The following PCDHGA8 variants were observed in gnomAD, a reference collection of about 807,000 sequenced individuals.
PCDHGA8 encodes protocadherin gamma subfamily A, 8.
Under a neutral mutation model 59.2 loss-of-function variants are expected in PCDHGA8, and 45 were observed. That is an observed-to-expected ratio of 0.76 (90% CI 0.60 to 0.98). The LOEUF (loss-of-function observed/expected upper bound fraction) is 0.98, where lower values mean the gene tolerates loss of function less well. Ranked by LOEUF, PCDHGA8 falls within the 50% of genes least tolerant of loss-of-function variation. The pLI is 0.00. For missense variants in PCDHGA8, 1,257 were observed against 1,196.2 expected (o/e 1.05, Z -0.75); for synonymous variants, 531 against 519.0 (o/e 1.02, Z -0.32).
At chr5:141,423,050 G>T (rs1434973750) in intron 1 of PCDHGA8, 2 of 1,614,068 alleles carry the variant, frequency 1.2e-6, no homozygotes, top group Admixed American at 1.7e-5. Context: ...CTGTCCTATC[G>T]CCTGCTTAAG....
intron 1 of PCDHGA8, among the ~76,000 whole-genome samples, chr5:141,492,437 C>T (rs182333697): frequency 8.5e-5 from 13 of 152,332 alleles, no homozygotes; most frequent in Admixed American, 8.5e-4. Flanking sequence ...CAGGAGTACT[C>T]GTAGCTGATT....
Position 141,392,719 on chromosome 5 carries a change from C to T in PCDHGA8, c.-95C>T, listed in dbSNP as rs1044889578. 60 of 1,382,980 alleles carry T rather than the reference C, an allele frequency of 4.3e-5. No individual in the cohort carries two copies. Among genetic ancestry groups the T allele is most frequent in the African/African-American group, 2.9e-5 (2 of 68,272 alleles). 85.7% of individuals were successfully genotyped at this position (1,382,980 alleles called of 1,614,324 possible). ...CCTGTTTGGAGGCACTCCAGGTTTC[C>T]GGAGGATTGTCATCTCCATAGCTGC... On this transcript the variant is annotated 5_prime_UTR_variant, in exon 1 of 4. Coordinates refer to ENST00000398604, the MANE Select transcript of PCDHGA8 (RefSeq NM_032088.2).
chr5:141,503,608 A>AAAAAAAG (rs1483073868), intron 2 of PCDHGA8, among the ~76,000 whole-genome samples: 1 of 151,994 alleles, frequency 6.6e-6, no homozygotes, highest in East Asian at 1.9e-4. Flanking sequence ...CAAAAAAAAA[A>AAAAAAAG]AAAAAAGAAA....
intron 1 of PCDHGA8, among the ~76,000 whole-genome samples, chr5:141,443,679 A>G (rs1158105871): frequency 6.6e-6 from 1 of 152,268 alleles, no homozygotes; most frequent in African/African-American, 2.4e-5. Flanking sequence ...AGTAGTTTAC[A>G]AACACTTCAA....
chr5:141,475,550 TA>T (rs2099365126), intron 1 of PCDHGA8, among the ~76,000 whole-genome samples: 2 of 152,246 alleles, frequency 1.3e-5, no homozygotes, highest in Non-Finnish European at 2.9e-5. Context: ...AGGGTCCGGC[TA>T]ATTGTCTGTC....
chr5:141,413,117 C>A, intron 1 of PCDHGA8: 1 of 1,509,120 alleles, frequency 6.6e-7, no homozygotes, highest in Non-Finnish European at 8.9e-7. Context: ...ACAAAGGAAC[C>A]GGTTGAAACA....
intron 1 of PCDHGA8, among the ~76,000 whole-genome samples, chr5:141,481,215 G>T (rs1238465869): frequency 6.6e-6 from 1 of 152,152 alleles, no homozygotes; most frequent in Non-Finnish European, 1.5e-5. Context: ...AACATGGTAA[G>T]GTCTCCCAGC....
At chr5:141,510,898 T>C in intron 3 of PCDHGA8, 49 bp from the exon 4 acceptor site, 1 of 1,613,278 alleles carries the variant, frequency 6.2e-7, no homozygotes, top group Non-Finnish European at 8.5e-7. Context: ...ACAGTGACTG[T>C]TGAGGACCCT....
At chr5:141,495,960 C>G (rs1380397345) in intron 2 of PCDHGA8, among the ~76,000 whole-genome samples, 2 of 151,998 alleles carry the variant, frequency 1.3e-5, no homozygotes, top group East Asian at 3.9e-4. Context: ...CTTTTTCTGC[C>G]TCTTTCTCTG....
chr5:141,491,407 G>A lies in PCDHGA8; in HGVS notation c.2425-3400G>A. ...GAAGTGCCTTCAGGGAAACGCAGAC[G>A]GGGACGGGGGTGGAGGGCAGTGCTG... is the stretch of plus-strand genomic sequence containing the variant. On this transcript the variant is annotated intron_variant, in intron 1 of 3. Transcript: ENST00000398604. The surrounding 1 kb of genome is among the most constrained non-coding windows in gnomAD (Gnocchi z 6.9). The A allele has an allele frequency of 6.2e-7, 1 of 1,614,116 alleles. No individual in the cohort carries two copies. The highest frequency in any genetic ancestry group is 8.5e-7 in the Non-Finnish European group (1 of 1,180,000).
At chr5:141,471,302 C>T (rs111827070) in intron 1 of PCDHGA8, 9,302 of 152,168 alleles carry the variant, frequency 0.061, 339 homozygotes, top group South Asian at 0.12. Flanking sequence ...CCACCCAACT[C>T]GGCCTCCCAA....
intron 1 of PCDHGA8, among the ~76,000 whole-genome samples, chr5:141,406,577 A>T (rs558329088): frequency 6.6e-6 from 1 of 152,274 alleles, no homozygotes; most frequent in South Asian, 2.1e-4. Context: ...TAGTAAACCA[A>T]TTTTTTCCCT....
rs1434955829 is a variant in PCDHGA8, at chr5:141,431,361, A to G, written c.2424+36124A>G. 3 of 1,614,002 alleles carry G rather than the reference A, an allele frequency of 1.9e-6. No homozygotes were observed. The highest frequency in any genetic ancestry group is 2.5e-6 in the Non-Finnish European group (3 of 1,180,034). On this transcript the variant is annotated intron_variant, in intron 1 of 3. Transcript: ENST00000398604. The surrounding 1 kb of genome is among the most constrained non-coding windows in gnomAD (Gnocchi z 4.8). ...GAATTGGTGCTGAAACGCGCCCTGG[A>G]CCGCGAAGAAAAGGCTGCTCACCAC...
chr5:141,478,657 G>A, intron 1 of PCDHGA8: 2 of 1,551,912 alleles, frequency 1.3e-6, no homozygotes, highest in Non-Finnish European at 1.7e-6. Flanking sequence ...TCCTGGTGAT[G>A]CATTCACACT....
At chr5:141,408,974 G>T (rs899313364) in intron 1 of PCDHGA8, 1 of 1,613,690 alleles carries the variant, frequency 6.2e-7, no homozygotes, top group South Asian at 1.1e-5. Flanking sequence ...TCTGCCCCCT[G>T]GGTCCCCTGT....
At chr5:141,450,190 G>A (rs1368992094) in intron 1 of PCDHGA8, among the ~76,000 whole-genome samples, 1 of 151,588 alleles carries the variant, frequency 6.6e-6, no homozygotes, top group African/African-American at 2.4e-5. Flanking sequence ...GCTAATTTTT[G>A]TATTTTTAGT....
intron 1 of PCDHGA8, chr5:141,427,830 C>G (rs749612858): frequency 7.8e-6 from 12 of 1,538,206 alleles, no homozygotes; most frequent in Non-Finnish European, 1.1e-5. Context: ...GGTCGCGCAG[C>G]GTGCCTTCGA....
chr5:141,471,017 A>G (rs989277146), intron 1 of PCDHGA8, among the ~76,000 whole-genome samples: 3 of 143,850 alleles, frequency 2.1e-5, no homozygotes, highest in African/African-American at 7.8e-5. Context: ...GTGCCTGGTC[A>G]ATCATTTTTA....
chr5:141,508,183 A>G (rs1596134418), intron 3 of PCDHGA8: 1 of 152,336 alleles, frequency 6.6e-6, no homozygotes, highest in African/African-American at 2.4e-5. Context: ...GAGAGAAGGC[A>G]TCACCCCCAC....
Sources: allele counts gnomAD v4.1 joint callset (sites outside exome capture counted in the v4.1 genomes callset), GRCh38; gene constraint gnomAD v4.1.1; non-coding constraint Gnocchi (gnomAD v3.1); transcripts MANE v1.5; gene names NCBI Gene and HGNC (gene_info 2026-07-23, HGNC 2026-07-21).